ZNF665: variants seen among roughly 807,000 people sequenced by gnomAD.
ZNF665 encodes the protein zinc finger protein 665.
ZNF665 carries 6 observed loss-of-function variants against 7.9 expected under a neutral mutation model. The ratio of observed to expected loss-of-function variants is 0.76; its 90% CI spans 0.42 to 1.50. ZNF665 has a LOEUF of 1.50. Among genes scored for constraint, ZNF665 ranks in the 40% most tolerant of loss-of-function variants. The probability of loss-of-function intolerance (pLI) is 0.01; values close to 1 mark genes in which losing one functional copy is unlikely to be tolerated. For synonymous variants in ZNF665, 242 were observed against 274.5 expected, an observed-to-expected ratio of 0.88 and a Z score of 1.17; for missense variants, 819 against 806.7, an observed-to-expected ratio of 1.02 and a Z score of -0.18.
At chr19:53,167,291 G>A (rs1599871425) in intron 3 of ZNF665, among the ~76,000 whole-genome samples, 1 of 152,082 alleles carries the variant, frequency 6.6e-6, no homozygotes, top group Non-Finnish European at 1.5e-5. Context: ...GTGAGCCACT[G>A]CGCCCAGCCC....
intron 1 of ZNF665, among the ~76,000 whole-genome samples, chr19:53,185,343 A>G (rs971555190): frequency 5.3e-5 from 8 of 152,040 alleles, no homozygotes; most frequent in Non-Finnish European, 1.0e-4. Flanking sequence ...CTGTCCGGGC[A>G]TGACAGAGGG....
intron 2 of ZNF665, among the ~76,000 whole-genome samples, chr19:53,177,536 C>CAAACAAAACA (rs150554635): frequency 0.012 from 1,785 of 149,212 alleles, 15 homozygotes; most frequent in African/African-American, 0.02. Flanking sequence ...AACAGGGAGA[C>CAAACAAAACA]AAACAAAACA....
chr19:53,177,043 C>T (rs1004119031), intron 2 of ZNF665, among the ~76,000 whole-genome samples: 1 of 152,040 alleles, frequency 6.6e-6, no homozygotes, highest in African/African-American at 2.4e-5. Flanking sequence ...CATTTGAAGC[C>T]GGGAGGTGGA....
At chr19:53,167,716 G>T (rs2090627071) in intron 3 of ZNF665, among the ~76,000 whole-genome samples, 2 of 149,974 alleles carry the variant, frequency 1.3e-5, no homozygotes. Flanking sequence ...AAAGTGCTGG[G>T]ATTACAGGCG....
At chr19:53,170,840 G>C (rs931390753) in intron 3 of ZNF665, among the ~76,000 whole-genome samples, 1 of 152,188 alleles carries the variant, frequency 6.6e-6, no homozygotes, top group Non-Finnish European at 1.5e-5. Context: ...TTGAAAATCT[G>C]TGTATAACTT....
intron 3 of ZNF665, among the ~76,000 whole-genome samples, chr19:53,168,042 C>T (rs1280124816): frequency 1.7e-5 from 2 of 114,520 alleles, no homozygotes; most frequent in Non-Finnish European, 3.3e-5. Context: ...GGCGACACAG[C>T]CTGACTCCCT....
chr19:53,189,485 CCCTG>C (rs1197674568), intron 1 of ZNF665, among the ~76,000 whole-genome samples: 1 of 146,590 alleles, frequency 6.8e-6, no homozygotes, highest in Non-Finnish European at 1.5e-5. Flanking sequence ...GGGGGCCCTT[CCCTG>C]CCTGGCAGCC....
intron 3 of ZNF665, among the ~76,000 whole-genome samples, chr19:53,168,055 C>CAAAAAAAAAAAAAAA (rs57521729): frequency 3.0e-5 from 2 of 66,402 alleles, no homozygotes; most frequent in African/African-American, 5.5e-5. Flanking sequence ...GACTCCCTCT[C>CAAAAAAAAAAAAAAA]AAAAAAAAAA....
chr19:53,165,939 C>T lies in ZNF665; in HGVS notation c.551G>A (p.Gly184Asp), dbSNP rs1274688429. 6.2e-7 allele frequency: 1 copy of T among 1,614,042 alleles called. No individual in the cohort carries two copies. The highest frequency in any genetic ancestry group is 8.5e-7 in the Non-Finnish European group (1 of 1,180,008). Reference sequence around the variant, plus strand: ...CCGTGAGTTTTGACTGAAGACCTTGCCACATTCATCACATTTATAATGTTT... The same window carrying T: ...CCGTGAGTTTTGACTGAAGACCTTGTCACATTCATCACATTTATAATGTTT... ...RGKHYKCDECGKVFSQNSRLT... is the reference protein window; with the variant it reads ...RGKHYKCDECDKVFSQNSRLT... Residue 184 changes from glycine to aspartate, a missense_variant, in exon 4 of 4, where the codon GGC (glycine) becomes GAC (aspartate). Transcript: ENST00000396424.
chr19:53,174,452 C>G (rs2090681278), intron 3 of ZNF665, among the ~76,000 whole-genome samples: 1 of 152,160 alleles, frequency 6.6e-6, no homozygotes, highest in Admixed American at 6.5e-5. Flanking sequence ...AAAAAACTCT[C>G]CCATTTGCAG....
rs2090601748 is a variant in ZNF665, at chr19:53,165,343, A to T, written c.1147T>A (p.Phe383Ile). The T allele has an allele frequency of 2.5e-6, 4 of 1,614,112 alleles. No homozygotes were observed. Among genetic ancestry groups the T allele is most frequent in the Non-Finnish European group, 3.4e-6 (4 of 1,179,998 alleles). The change falls in exon 4 of 4, where the codon TTC becomes ATC. Residue 383 changes from phenylalanine to isoleucine, a missense_variant. Transcript: ENST00000396424. ...PYKCNECGKA[F>I]SMHSNLTKHQ... ...TTAGTTAAGTTTGAATGCATACTGA[A>T]GGCTTTCCCACACTCATTACACTTG...
At position 53,175,446 on chromosome 19, in the gene ZNF665, C is replaced by T. The variant is rs1210154797; in HGVS notation, c.141G>A (p.Leu47=). 2.5e-6 allele frequency: 4 copies of T among 1,608,946 alleles called. No homozygotes were observed. Among genetic ancestry groups the T allele is most frequent in the Non-Finnish European group, 3.4e-6 (4 of 1,178,338 alleles). The part of the protein sequence containing the change: ...MLENYRNLVS[L]DISCKCVNTD... ...CTTCTAAAAGAAAGTCATCCTCACCCAGGGAGACCAGGTTCCTATAATTCT... is the reference window on the plus strand; with the variant it reads ...CTTCTAAAAGAAAGTCATCCTCACCTAGGGAGACCAGGTTCCTATAATTCT... Residue 47 remains leucine, a splice_region_variant and synonymous_variant, in exon 3 of 4, where the codon CTG becomes CTA. Coordinates refer to ENST00000396424, the MANE Select transcript of ZNF665 (RefSeq NM_024733.5).
At position 53,166,313 on chromosome 19, in the gene ZNF665, T is replaced by C. The variant is rs748623042; in HGVS notation, c.177A>G (p.Pro59=). The C allele has an allele frequency of 6.3e-7, 1 of 1,594,138 alleles. No homozygotes were observed. Among genetic ancestry groups the C allele is most frequent in the Admixed American group, 1.8e-5 (1 of 55,460 alleles). ...ISCKCVNTDL[P]PKGKNNMGEA... ...CTCCCATATTGTTCTTCCCCTTTGG[T>C]GGCAAATCCGTGTTTACACATTTAC... The change falls in exon 4 of 4, where the codon CCA becomes CCG. Residue 59 remains proline (P), a synonymous_variant. Coordinates refer to ENST00000396424, the MANE Select transcript of ZNF665 (RefSeq NM_024733.5).
At position 53,164,617 on chromosome 19, in the gene ZNF665, G is replaced by GT. The variant is rs1418866719; in HGVS notation, c.1872dup (p.Pro625ThrfsTer3). 1 of 1,614,124 alleles carries GT rather than the reference G, an allele frequency of 6.2e-7. No individual in the cohort carries two copies. The highest frequency in any genetic ancestry group is 1.1e-5 in the South Asian group (1 of 91,076). Reference sequence around the variant, plus strand: ...TTCCCACACTCATTACACCTATAAGGTTTTTCTCCAGTGTGAATTCTTCTA... The same window carrying GT: ...TTCCCACACTCATTACACCTATAAGGTTTTTTCTCCAGTGTGAATTCTTCTA... On this transcript the variant is annotated frameshift_variant, in exon 4 of 4. Coordinates refer to ENST00000396424, the MANE Select transcript of ZNF665 (RefSeq NM_024733.5). LOFTEE classifies it low-confidence loss of function (END_TRUNC).
At chr19:53,192,829 C>G (rs960278134) in intron 1 of ZNF665, among the ~76,000 whole-genome samples, 2 of 152,018 alleles carry the variant, frequency 1.3e-5, no homozygotes, top group Non-Finnish European at 2.9e-5. Flanking sequence ...GAAGGGGAGG[C>G]CTAGGGAGCA....
In ZNF665 at chr19:53,164,848, C is replaced by T. The variant is rs377413007; in HGVS notation, c.1642G>A (p.Gly548Ser). The change falls in exon 4 of 4, where the codon GGC becomes AGC. Residue 548 changes from glycine (G) to serine (S), a missense_variant. Gly to Ser is a moderately conservative substitution (Grantham distance 56). Coordinates refer to ENST00000396424, the MANE Select transcript of ZNF665 (RefSeq NM_024733.5). ...TACGAATTGTGTCTGAAGACCTTGC[C>T]GCAATCATTACATTTGTATGGTTTT... ...GQKPYKCNDC[G>S]KVFRHNSYLA... 93 of 1,614,056 alleles carry T rather than the reference C, an allele frequency of 5.8e-5. No individual in the cohort carries two copies. The highest frequency in any genetic ancestry group is 1.3e-4 in the African/African-American group (10 of 75,004).
At chr19:53,166,640 C>T (rs1599870954) in intron 3 of ZNF665, among the ~76,000 whole-genome samples, 1 of 152,086 alleles carries the variant, frequency 6.6e-6, no homozygotes, top group East Asian at 1.9e-4. Flanking sequence ...AACCATGACC[C>T]AAGGCTACCA....
chr19:53,192,466 A>G (rs2090824643), intron 1 of ZNF665, among the ~76,000 whole-genome samples: 2 of 152,110 alleles, frequency 1.3e-5, no homozygotes, highest in African/African-American at 4.8e-5. Flanking sequence ...CTCTCTAGAC[A>G]GCGAGCTTTT....
At position 53,163,507 on chromosome 19, in the gene ZNF665, G is replaced by C. The variant is rs1442664568; in HGVS notation, c.*946C>G. Reference sequence around the variant, plus strand: ...CAGAGTCTTTTTTCTTCAGGAGCTTGGAGAGAAATAATCCTCACCTAATGA... The same window carrying C: ...CAGAGTCTTTTTTCTTCAGGAGCTTCGAGAGAAATAATCCTCACCTAATGA... On this transcript the variant is annotated 3_prime_UTR_variant, in exon 4 of 4. Transcript: ENST00000396424. 2.0e-5 allele frequency: 3 copies of C among 152,158 alleles called. No homozygotes were observed. Among genetic ancestry groups the C allele is most frequent in the Admixed American group, 2.0e-4 (3 of 15,280 alleles). The allele number at this position is 152,158 out of a possible 1,614,324, so 9.4% of individuals were successfully genotyped here.
Sources: allele counts gnomAD v4.1 joint callset (sites outside exome capture counted in the v4.1 genomes callset), GRCh38; gene constraint gnomAD v4.1.1; transcripts MANE v1.5; gene names NCBI Gene and HGNC (gene_info 2026-07-23, HGNC 2026-07-21).